The following CLNK variants were observed in gnomAD, a reference collection of about 807,000 sequenced individuals.
The protein encoded by CLNK is cytokine dependent hematopoietic cell linker, also known as cytokine-dependent hematopoietic cell linker.
CLNK carries 74 observed loss-of-function variants against 68.6 expected under a neutral mutation model. The observed-to-expected ratio is 1.08, with a 90% CI of 0.89 to 1.31. The LOEUF is 1.31. Among genes scored for constraint, CLNK ranks in the 50% most tolerant of loss-of-function variants. The probability of loss-of-function intolerance (pLI) is 0.00; values close to 1 mark genes in which losing one functional copy is unlikely to be tolerated. For missense variants in CLNK, 553 were observed against 515.3 expected, an observed-to-expected ratio of 1.07 and a Z score of -0.71; for synonymous variants, 198 against 172.2, an observed-to-expected ratio of 1.15 and a Z score of -1.17.
At chr4:10,725,133 T>C in the CLNK span, among the ~76,000 whole-genome samples, 4 of 151,968 alleles carry the variant, frequency 2.6e-5, no homozygotes, top group Non-Finnish European at 4.4e-5. Flanking sequence ...CCTCCCCAGG[T>C]CCCATAGCAC....
rs7434430 is a variant in CLNK at position 10,616,799 on chromosome 4, T to C, written c.12-18750A>G. 7.8e-4 allele frequency among the ~76,000 whole-genome samples: 19 copies of C among 24,458 alleles called. 1 individual carries two copies. The highest frequency in any genetic ancestry group is 1.1e-3 in the Non-Finnish European group (11 of 9,660). 16.0% of individuals were successfully genotyped at this position (24,458 alleles called of 152,430 possible). A position where few individuals can be genotyped will look rare whatever the true frequency, so the allele number is the denominator to read the frequency against. ...ATATATGTGTGTGTGTGTATATATA[T>C]ATATATATATATATATATATATATA... On this transcript the variant is annotated intron_variant, in intron 2 of 18. Transcript: ENST00000226951.
chr4:10,512,508 G>A (rs1014690951), intron 16 of CLNK, among the ~76,000 whole-genome samples: 31 of 151,998 alleles, frequency 2.0e-4, no homozygotes, highest in Non-Finnish European at 2.6e-4. Flanking sequence ...TGAGATTACA[G>A]GCATGAGCCA....
At chr4:10,581,394 C>T (rs553501712) in intron 4 of CLNK, among the ~76,000 whole-genome samples, 1 of 152,256 alleles carries the variant, frequency 6.6e-6, no homozygotes, top group South Asian at 2.1e-4. Context: ...ACTCAGTCAT[C>T]TAGCTCTCTG....
At chr4:10,584,983 A>G in intron 3 of CLNK, 28 bp from the exon 4 acceptor site, 3 of 1,612,920 alleles carry the variant, frequency 1.9e-6, no homozygotes, top group Non-Finnish European at 1.7e-6. Context: ...ACCAAGTTAA[A>G]TGTCCATTGC....
intron 18 of CLNK, among the ~76,000 whole-genome samples, chr4:10,499,094 G>A (rs572766935): frequency 6.6e-6 from 1 of 151,684 alleles, no homozygotes; most frequent in South Asian, 2.1e-4. Context: ...TTTGGAAAGA[G>A]GACTAACTTT....
At chr4:10,578,804 T>G (rs1720672549) in intron 4 of CLNK, among the ~76,000 whole-genome samples, 1 of 152,018 alleles carries the variant, frequency 6.6e-6, no homozygotes, top group African/African-American at 2.4e-5. Flanking sequence ...ACTGCTAACT[T>G]CAAGTAATCC....
At chr4:10,695,927 C>G in the CLNK span, among the ~76,000 whole-genome samples, 9 of 151,138 alleles carry the variant, frequency 6.0e-5, no homozygotes, top group Admixed American at 6.6e-5. Flanking sequence ...GTGATCTTTG[C>G]TCACTGCAAC....
At chr4:10,566,551 A>G (rs1720122895) in intron 5 of CLNK, among the ~76,000 whole-genome samples, 1 of 152,240 alleles carries the variant, frequency 6.6e-6, no homozygotes, top group Non-Finnish European at 1.5e-5. Flanking sequence ...AGAATTCACT[A>G]AAAAATTATT....
intron 18 of CLNK, among the ~76,000 whole-genome samples, chr4:10,500,333 C>A (rs1384196213): frequency 6.6e-6 from 1 of 152,126 alleles, no homozygotes; most frequent in East Asian, 1.9e-4. Context: ...CCCCAGTTTT[C>A]CTACATCTAA....
the CLNK span, among the ~76,000 whole-genome samples, chr4:10,700,112 A>ACCTGT: frequency 6.6e-6 from 1 of 152,070 alleles, no homozygotes. Context: ...AAATCAGAGA[A>ACCTGT]GAAACAGGTT....
chr4:10,509,847 C>T (rs888691315), intron 16 of CLNK, among the ~76,000 whole-genome samples: 1 of 152,078 alleles, frequency 6.6e-6, no homozygotes, highest in African/African-American at 2.4e-5. Context: ...TCTTATTTGA[C>T]CTAGTCCCTA....
the CLNK span, among the ~76,000 whole-genome samples, chr4:10,694,044 C>T: frequency 2.6e-5 from 4 of 151,958 alleles, no homozygotes; most frequent in Non-Finnish European, 5.9e-5. Context: ...GATGGTGTAC[C>T]AGCTTCTTCA....
intron 15 of CLNK, among the ~76,000 whole-genome samples, chr4:10,514,498 G>A (rs988888979): frequency 3.4e-4 from 49 of 144,386 alleles, no homozygotes; most frequent in Non-Finnish European, 6.1e-4. Flanking sequence ...CAAGCAATGG[G>A]GAAAGGATTC....
At chr4:10,645,809 A>T (rs1179019838) in intron 2 of CLNK, among the ~76,000 whole-genome samples, 1 of 152,150 alleles carries the variant, frequency 6.6e-6, no homozygotes. Context: ...TTTATTGTAT[A>T]TTTCAAAGTA....
chr4:10,600,248 T>A (rs993748645), intron 2 of CLNK, among the ~76,000 whole-genome samples: 1 of 152,184 alleles, frequency 6.6e-6, no homozygotes, highest in Non-Finnish European at 1.5e-5. Flanking sequence ...ATTTCAAATA[T>A]TACTTCCCCG....
At chr4:10,689,064 G>A (rs987517929), upstream of CLNK, among the ~76,000 whole-genome samples, 2 of 151,830 alleles carry the variant, frequency 1.3e-5, no homozygotes, top group African/African-American at 4.8e-5. Context: ...AATAAAAGAT[G>A]GCAAAACCTT....
intron 3 of CLNK, among the ~76,000 whole-genome samples, chr4:10,597,345 C>G (rs1416680684): frequency 6.6e-6 from 1 of 152,128 alleles, no homozygotes; most frequent in Non-Finnish European, 1.5e-5. Context: ...GCTGGGCAGC[C>G]CTGGGCAGTG....
the CLNK span, among the ~76,000 whole-genome samples, chr4:10,722,762 C>G: frequency 6.6e-6 from 1 of 152,186 alleles, no homozygotes; most frequent in Non-Finnish European, 1.5e-5. Flanking sequence ...TCAATACTCT[C>G]TAGACGGCAG....
chr4:10,626,280 CT>C (rs1461866274), intron 2 of CLNK, among the ~76,000 whole-genome samples: 1 of 152,202 alleles, frequency 6.6e-6, no homozygotes, highest in East Asian at 1.9e-4. Context: ...ACCAGGATGC[CT>C]GGATTTTAGA....
Sources: allele counts gnomAD v4.1 joint callset (sites outside exome capture counted in the v4.1 genomes callset), GRCh38; gene constraint gnomAD v4.1.1; transcripts MANE v1.5; gene names NCBI Gene and HGNC (gene_info 2026-07-23, HGNC 2026-07-21).